APP: variants seen among roughly 807,000 people sequenced by gnomAD.
APP encodes amyloid beta precursor protein.
A neutral mutation model predicts 101.4 loss-of-function variants in APP; 31 were observed. The ratio of observed to expected loss-of-function variants is 0.31; its 90% CI spans 0.23 to 0.41. The LOEUF is 0.41. Among genes scored for constraint, APP ranks in the 10% least tolerant of loss-of-function variants. The pLI is 1.00. For synonymous variants in APP, 366 were observed against 364.4 expected (o/e 1.00, Z -0.05); for missense variants, 839 against 1,003.7 (o/e 0.84, Z 2.22).
intron 1 of APP, among the ~76,000 whole-genome samples, chr21:26,119,047 T>C (rs2062503579): frequency 1.3e-5 from 2 of 152,168 alleles, no homozygotes; most frequent in African/African-American, 2.4e-5. Context: ...TTGCTCATTA[T>C]CTCATTTGAC....
At chr21:26,074,461 A>C (rs2061465567) in intron 3 of APP, among the ~76,000 whole-genome samples, 1 of 152,202 alleles carries the variant, frequency 6.6e-6, no homozygotes, top group African/African-American at 2.4e-5. Context: ...TTTCTGTGAA[A>C]ATTAATTCTT....
chr21:25,987,809 C>T (rs1010546568), intron 8 of APP, among the ~76,000 whole-genome samples: 3 of 152,104 alleles, frequency 2.0e-5, no homozygotes, highest in Non-Finnish European at 1.5e-5. Flanking sequence ...TTCCTCCAGC[C>T]CACCAACATT....
chr21:26,050,172 T>A (rs1164993229), intron 5 of APP, among the ~76,000 whole-genome samples: 1 of 152,094 alleles, frequency 6.6e-6, no homozygotes, highest in Non-Finnish European at 1.5e-5. Context: ...CATCCTGTAG[T>A]TTGCCGATTA....
intron 2 of APP, among the ~76,000 whole-genome samples, chr21:26,098,842 A>G (rs775566560): frequency 6.6e-6 from 1 of 152,264 alleles, no homozygotes; most frequent in Non-Finnish European, 1.5e-5. Flanking sequence ...AACGTCAATG[A>G]GTAACATGTG....
chr21:26,140,060 T>C, intron 1 of APP: 1 of 1,001,626 alleles, frequency 1.0e-6, no homozygotes, highest in Non-Finnish European at 1.5e-6. Flanking sequence ...TAAGTAACAT[T>C]GTACTTTTGA....
rs1234056429 is a variant in APP at position 26,170,585 on chromosome 21, G to A, written c.36C>T (p.Ala12=). Residue 12 remains alanine (A), a synonymous_variant, in exon 1 of 18, where the codon GCC becomes GCT. Transcript: ENST00000346798. ...CCACCTCCAGCGCCCGAGCCGTCCA[G>A]GCGGCCAGCAGGAGCAGTGCCAAAC... ...LPGLALLLLA[A]WTARALEVPT... 1.3e-6 allele frequency: 2 copies of A among 1,538,984 alleles called. No individual in the cohort carries two copies. The highest frequency in any genetic ancestry group is 1.7e-6 in the Non-Finnish European group (2 of 1,146,472).
intron 3 of APP, among the ~76,000 whole-genome samples, chr21:26,062,230 A>ACACACACACAC (rs57087990): frequency 1.4e-4 from 20 of 145,150 alleles, no homozygotes; most frequent in South Asian, 6.8e-4. Context: ...CAAACAAACA[A>ACACACACACAC]ACACACACAC....
chr21:26,094,053 T>G (rs1601442374), intron 2 of APP, among the ~76,000 whole-genome samples: 1 of 151,676 alleles, frequency 6.6e-6, no homozygotes, highest in African/African-American at 2.4e-5. Context: ...GAAGCGGATG[T>G]TGCAGTGAGC....
chr21:25,931,820 T>C (rs561544182), intron 13 of APP, among the ~76,000 whole-genome samples: 349 of 152,180 alleles, frequency 2.3e-3, no homozygotes, highest in Non-Finnish European at 3.8e-3. Flanking sequence ...TCTTTCAGAA[T>C]ATTGGGTGGA....
chr21:26,008,083 C>CG (rs1355318541), intron 6 of APP, among the ~76,000 whole-genome samples: 5 of 152,088 alleles, frequency 3.3e-5, no homozygotes. Context: ...TAATTTGTCA[C>CG]GGAAGTAACT....
At chr21:25,929,398 T>A (rs571019592) in intron 13 of APP, among the ~76,000 whole-genome samples, 35 of 152,306 alleles carry the variant, frequency 2.3e-4, no homozygotes, top group East Asian at 1.3e-3. Flanking sequence ...GGTTTTTTTT[T>A]AATGGTTTTA....
chr21:25,950,704 T>C (rs543362275), intron 13 of APP, among the ~76,000 whole-genome samples: 10 of 152,132 alleles, frequency 6.6e-5, no homozygotes, highest in East Asian at 1.9e-4. Context: ...AAAGGAGGAA[T>C]TGAAGTGGGA....
In APP at chr21:25,897,609, T is replaced by C. The variant is rs751006015; in HGVS notation, c.2028A>G (p.Arg676=). ...GATGAACTTCATATCCTGAGTCATGTCGGAATTCTGCATCCATCTTCACTT... is the reference window on the plus strand; with the variant it reads ...GATGAACTTCATATCCTGAGTCATGCCGGAATTCTGCATCCATCTTCACTT... ...ISEVKMDAEF[R]HDSGYEVHHQ... Residue 676 remains arginine, a synonymous_variant, in exon 16 of 18, where the codon CGA becomes CGG. Coordinates refer to ENST00000346798, the MANE Select transcript of APP (RefSeq NM_000484.4). 2.5e-6 allele frequency: 4 copies of C among 1,614,062 alleles called. No homozygotes were observed. Among genetic ancestry groups the C allele is most frequent in the Non-Finnish European group, 3.4e-6 (4 of 1,179,922 alleles).
rs563922768 is a variant in APP, at chr21:26,114,948, T to C, written c.58-2802A>G. On this transcript the variant is annotated intron_variant, in intron 1 of 17. Transcript: ENST00000346798. The stretch of plus-strand genomic sequence containing the variant: ...TGTGTGTATGTTGACTACCAAAAAG[T>C]GGTAATTTTTAAAACATTTTTTTCA... Among the ~76,000 whole-genome samples, 11 of 152,308 alleles carry C rather than the reference T, an allele frequency of 7.2e-5. No homozygotes were observed. The South Asian group carries it at 2.3e-3, about 32-fold the overall frequency.
At chr21:26,049,743 A>G (rs2045758791) in intron 5 of APP, among the ~76,000 whole-genome samples, 1 of 152,216 alleles carries the variant, frequency 6.6e-6, no homozygotes, top group Admixed American at 6.5e-5. Flanking sequence ...ATGGTTATCC[A>G]TTGATTCCAT....
chr21:25,915,687 C>A (rs1569050516), intron 13 of APP, among the ~76,000 whole-genome samples: 1 of 152,252 alleles, frequency 6.6e-6, no homozygotes, highest in Non-Finnish European at 1.5e-5. Context: ...GGAAAGGGCC[C>A]TGTGCCCATC....
intron 13 of APP, among the ~76,000 whole-genome samples, chr21:25,953,338 A>G (rs565669031): frequency 1.7e-4 from 26 of 152,242 alleles, no homozygotes; most frequent in Non-Finnish European, 3.4e-4. Context: ...TTTCACAGCA[A>G]TACAAACAAT....
At chr21:26,100,419 G>A (rs914543905) in intron 2 of APP, among the ~76,000 whole-genome samples, 1 of 152,178 alleles carries the variant, frequency 6.6e-6, no homozygotes, top group Non-Finnish European at 1.5e-5. Context: ...GCCTACAAGG[G>A]TGAAGGGTGC....
At chr21:26,050,438 A>C (rs1189771771) in intron 5 of APP, among the ~76,000 whole-genome samples, 1 of 152,210 alleles carries the variant, frequency 6.6e-6, no homozygotes, top group Non-Finnish European at 1.5e-5. Flanking sequence ...TAAGCTCCCT[A>C]AGAAAAAGAG....
Sources: allele counts gnomAD v4.1 joint callset (sites outside exome capture counted in the v4.1 genomes callset), GRCh38; gene constraint gnomAD v4.1.1; transcripts MANE v1.5; gene names NCBI Gene and HGNC (gene_info 2026-07-23, HGNC 2026-07-21).